AHNAK: variants seen among roughly 807,000 people sequenced by gnomAD.
The protein encoded by AHNAK is neuroblast differentiation-associated protein AHNAK.
A neutral mutation model predicts 37.8 loss-of-function variants in AHNAK; 23 were observed. The ratio of observed to expected loss-of-function variants is 0.61; its 90% CI spans 0.44 to 0.86. The LOEUF (loss-of-function observed/expected upper bound fraction) is 0.86. Ranked by LOEUF, AHNAK falls within the 40% of genes least tolerant of loss-of-function variation. The pLI, the probability that AHNAK is intolerant of heterozygous loss-of-function variation, is 0.00. For missense variants in AHNAK, 7,411 were observed against 7,319.4 expected (o/e 1.01, Z -0.46); for synonymous variants, 2,481 against 2,636.3 (o/e 0.94, Z 1.80).
chr11:62,497,483 C>G (rs1939631345), intron 4 of AHNAK, among the ~76,000 whole-genome samples: 1 of 152,172 alleles, frequency 6.6e-6, no homozygotes, highest in African/African-American at 2.4e-5. Flanking sequence ...AAGTGATACA[C>G]AACCATTCCT....
intron 2 of AHNAK, 163 bp from the exon 3 acceptor site, chr11:62,536,261 T>A: frequency 1.5e-6 from 1 of 664,070 alleles, no homozygotes; most frequent in Non-Finnish European, 2.4e-6. Flanking sequence ...GTGTTGGGGG[T>A]GGGGTAATTC....
chr11:62,526,989 A>T lies in AHNAK; in HGVS notation c.7428T>A (p.Pro2476=). Residue 2476 remains proline, a synonymous_variant, in exon 5 of 5, where the codon CCT becomes CCA. Coordinates refer to ENST00000378024, the MANE Select transcript of AHNAK (RefSeq NM_001620.3). ...KIKGDVDVSV[P]EVEGKLEVPD... Reference sequence around the variant, plus strand: ...GTACTTCAAGTTTACCTTCTACCTCAGGCACAGACACATCCACATCCCCCT... The same window carrying T: ...GTACTTCAAGTTTACCTTCTACCTCTGGCACAGACACATCCACATCCCCCT... The T allele has an allele frequency of 6.2e-7, 1 of 1,613,786 alleles. No homozygotes were observed. Among genetic ancestry groups the T allele is most frequent in the Non-Finnish European group, 8.5e-7 (1 of 1,179,852 alleles).
intron 5 of AHNAK, among the ~76,000 whole-genome samples, chr11:62,466,454 A>G (rs1249279587): frequency 1.3e-5 from 2 of 149,224 alleles, no homozygotes; most frequent in African/African-American, 5.0e-5. Context: ...TAACGTATCC[A>G]AAAGTAAAGT....
Position 62,490,560 on chromosome 11 carries a change from A to G in AHNAK, c.442+1172T>C, listed in dbSNP as rs528723293. 3.8e-3 allele frequency among the ~76,000 whole-genome samples: 571 copies of G among 151,970 alleles called. 2 individuals are homozygous for G. Among genetic ancestry groups the G allele is most frequent in the Non-Finnish European group, 6.1e-3 (416 of 67,954 alleles). ...CTGTTTATATGCTGAACGGACATTC[A>G]CCCCAGGCTATGGGTGGAGCGCTGG... On this transcript the variant is annotated intron_variant, in intron 5 of 5. Coordinates refer to the AHNAK transcript ENST00000257247.
In AHNAK at chr11:62,520,374, A is replaced by G. The variant is rs1460859656; in HGVS notation, c.14043T>C (p.Ile4681=). 1.9e-6 allele frequency: 3 copies of G among 1,599,880 alleles called. No homozygotes were observed. The highest frequency in any genetic ancestry group is 2.8e-5 in the African/African-American group (2 of 70,586). Residue 4681 remains isoleucine, a synonymous_variant, in exon 5 of 5, where the codon ATT becomes ATC. Coordinates refer to ENST00000378024, the MANE Select transcript of AHNAK (RefSeq NM_001620.3). ...DVDVNLPKAD[I]DVSGPKVDVD... is the part of the protein sequence containing the mutation. ...CGTCCACTTTGGGTCCTGAGACATCAATGTCAGCCTTGGGCAGGTTCACAT... is the reference window on the plus strand; with the variant it reads ...CGTCCACTTTGGGTCCTGAGACATCGATGTCAGCCTTGGGCAGGTTCACAT...
chr11:62,447,015 C>G (rs1242572311), intron 5 of AHNAK, among the ~76,000 whole-genome samples: 1 of 152,012 alleles, frequency 6.6e-6, no homozygotes, highest in African/African-American at 2.4e-5. Context: ...TAAGCACCCC[C>G]TCCCCTGCCA....
intron 5 of AHNAK, among the ~76,000 whole-genome samples, chr11:62,455,728 G>C (rs1938642492): frequency 6.6e-6 from 1 of 151,436 alleles, no homozygotes; most frequent in Non-Finnish European, 1.5e-5. Flanking sequence ...AGCTGGGCAT[G>C]GTGGCGGGCA....
In AHNAK at chr11:62,539,060, G is replaced by C. The variant is rs374995248; in HGVS notation, c.-99-2493C>G. On this transcript the variant is annotated intron_variant, in intron 1 of 4. Coordinates refer to ENST00000378024, the MANE Select transcript of AHNAK (RefSeq NM_001620.3). ...TGGCTACAAGGTGAGCAAAGACTCT[G>C]AGCCTCTGGGCTCAGGTGCAAACTG... Among the ~76,000 whole-genome samples, 17 of 152,328 alleles carry C rather than the reference G, an allele frequency of 1.1e-4. No homozygotes were observed. The East Asian group carries it at 3.3e-3, about 29-fold the overall frequency.
chr11:62,497,271 A>C (rs983011252), intron 4 of AHNAK, among the ~76,000 whole-genome samples: 21 of 152,190 alleles, frequency 1.4e-4, no homozygotes, highest in African/African-American at 4.8e-4. Context: ...TGGCATTGTC[A>C]TCTCGTCATT....
In AHNAK at chr11:62,533,692, G is replaced by A. The variant is rs141095416; in HGVS notation, c.725C>T (p.Ser242Leu). 7.8e-5 allele frequency: 126 copies of A among 1,614,106 alleles called. No homozygotes were observed. The Middle Eastern group carries it at 1.2e-3, about 15-fold the overall frequency. Residue 242 changes from serine to leucine, a missense_variant, in exon 5 of 5, where the codon TCG becomes TTG. Physicochemically the swap from Ser to Leu is moderately radical, Grantham distance 145 (BLOSUM62 -2). Transcript: ENST00000378024. ...CCCAGGCATGGTGACCTGGAGCTTC[G>A]AGTGGCCAGCACCTTGGAGCTCTGG... ...SGPELQGAGH[S>L]KLQVTMPGIK... is the part of the protein sequence containing the mutation.
At position 62,519,421 on chromosome 11, in the gene AHNAK, G is replaced by C; in HGVS notation, c.14996C>G (p.Thr4999Ser). Reference protein sequence around the residue: ...ADIKSPSLDVTVPEAELNLET... With the variant: ...ADIKSPSLDVSVPEAELNLET... ...AAGGTTCAGCTCTGCCTCAGGAACA[G>C]TGACATCCAGTGAAGGTGACTTGAT... The change falls in exon 5 of 5, where the codon ACT becomes AGT. Residue 4999 changes from threonine (T) to serine (S), a missense_variant. By Grantham distance (58) the Thr-to-Ser change is moderately conservative (BLOSUM62 1). Transcript: ENST00000378024. The C allele has an allele frequency of 1.2e-6, 2 of 1,611,890 alleles. No individual in the cohort carries two copies. Among genetic ancestry groups the C allele is most frequent in the Non-Finnish European group, 8.5e-7 (1 of 1,179,040 alleles).
intron 5 of AHNAK, among the ~76,000 whole-genome samples, chr11:62,454,988 G>A (rs1316140315): frequency 2.0e-5 from 3 of 150,458 alleles, no homozygotes; most frequent in Non-Finnish European, 4.4e-5. Context: ...GAGTGAAGTG[G>A]CATAATCTCA....
rs985181450 is a variant in AHNAK at position 62,499,349 on chromosome 11, G to A, written c.343-7518C>T. ...GGATCACCTGAGGTCGGGAGTTCGA[G>A]ACCAGCCTGACCAACATGGCGAAAC... is the stretch of plus-strand genomic sequence containing the variant. On this transcript the variant is annotated intron_variant, in intron 4 of 5. Coordinates refer to the AHNAK transcript ENST00000257247. Among the ~76,000 whole-genome samples the A allele has an allele frequency of 2.0e-5, 3 of 152,230 alleles. No individual in the cohort carries two copies. In the East Asian group the frequency reaches 5.8e-4, roughly 29 times the overall value.
intron 5 of AHNAK, among the ~76,000 whole-genome samples, chr11:62,482,239 A>C (rs1565209216): frequency 6.6e-6 from 1 of 151,960 alleles, no homozygotes; most frequent in Non-Finnish European, 1.5e-5. Flanking sequence ...ACATGGGGAA[A>C]CCCCATCTCT....
intron 5 of AHNAK, among the ~76,000 whole-genome samples, chr11:62,478,434 A>G (rs1939193872): frequency 6.6e-6 from 1 of 152,144 alleles, no homozygotes; most frequent in Admixed American, 6.5e-5. Context: ...AGCAATGCCT[A>G]GAAAACAGGA....
Position 62,533,688 on chromosome 11 carries a change from C to A in AHNAK, c.729G>T (p.Lys243Asn), listed in dbSNP as rs1304207800. ...TTATCCCAGGCATGGTGACCTGGAG[C>A]TTCGAGTGGCCAGCACCTTGGAGCT... ...GPELQGAGHS[K>N]LQVTMPGIKV... The change falls in exon 5 of 5, where the codon AAG becomes AAT. Residue 243 changes from lysine (K) to asparagine (N), a missense_variant. Lys to Asn is a moderately conservative substitution (Grantham distance 94, BLOSUM62 0). Coordinates refer to ENST00000378024, the MANE Select transcript of AHNAK (RefSeq NM_001620.3). 4 of 1,614,138 alleles carry A rather than the reference C, an allele frequency of 2.5e-6. No homozygotes were observed. The highest frequency in any genetic ancestry group is 3.4e-6 in the Non-Finnish European group (4 of 1,180,034).
chr11:62,519,280 A>T lies in AHNAK; in HGVS notation c.15137T>A (p.Val5046Asp). Residue 5046 changes from valine (V) to aspartate (D), a missense_variant, in exon 5 of 5, where the codon GTT becomes GAT. Transcript: ENST00000378024. Reference protein sequence around the residue: ...KAKKQGFDLNVPGGEIDASLK... With the variant: ...KAKKQGFDLNDPGGEIDASLK... ...GCTGGCATCAATTTCACCCCCAGGA[A>T]CATTCAGGTCAAATCCCTGTTTTTT... The T allele has an allele frequency of 3.1e-6, 5 of 1,614,198 alleles. No individual in the cohort carries two copies. The highest frequency in any genetic ancestry group is 3.4e-6 in the Non-Finnish European group (4 of 1,180,036).
chr11:62,481,013 C>G (rs528713818), intron 5 of AHNAK, among the ~76,000 whole-genome samples: 2 of 152,022 alleles, frequency 1.3e-5, no homozygotes, highest in East Asian at 3.8e-4. Flanking sequence ...GCTCCTGTAG[C>G]TCCTGGGCTG....
chr11:62,521,420 C>T lies in AHNAK; in HGVS notation c.12997G>A (p.Gly4333Ser). ...KFSMPGFKGE[G>S]PDVDVTLPKA... ...GGAAGGGTAACATCCACATCTGGGC[C>T]CTCTCCTTTGAATCCTGGCATGCTG... Residue 4333 changes from glycine to serine, a missense_variant, in exon 5 of 5, where the codon GGC becomes AGC. Physicochemically the swap from Gly to Ser is moderately conservative, Grantham distance 56. Transcript: ENST00000378024. 6.2e-7 allele frequency: 1 copy of T among 1,613,812 alleles called. No individual in the cohort carries two copies. Among genetic ancestry groups the T allele is most frequent in the Non-Finnish European group, 8.5e-7 (1 of 1,179,996 alleles).
Sources: gnomAD v4.1 joint callset for allele counts (sites outside exome capture counted in the v4.1 genomes callset) on GRCh38, gnomAD v4.1.1 for gene constraint, MANE v1.5 for transcripts, NCBI Gene and HGNC (gene_info 2026-07-23, HGNC 2026-07-21) for gene names.